Variants in PHF21A observed in about 807,000 individuals in gnomAD.
The protein encoded by PHF21A is PHD finger protein 21A, also known as BHC80a.
Under a neutral mutation model 82.5 loss-of-function variants are expected in PHF21A, and 11 were observed. That is an observed-to-expected ratio of 0.13 (90% CI 0.08 to 0.22). The LOEUF is 0.22. Ranked by LOEUF, PHF21A falls within the 10% of genes least tolerant of loss-of-function variation. PHF21A has a pLI of 1.00. For missense variants in PHF21A, 579 were observed against 837.8 expected (o/e 0.69, Z 3.81); for synonymous variants, 297 against 302.8 (o/e 0.98, Z 0.20).
intron 1 of PHF21A, 132 bp downstream of exon 1, chr11:46,120,803 A>T (rs1191734382): frequency 6.6e-6 from 1 of 150,960 alleles, no homozygotes; most frequent in Non-Finnish European, 1.5e-5. Flanking sequence ...GACAAACACC[A>T]GCGACAAGAC....
intron 5 of PHF21A, among the ~76,000 whole-genome samples, chr11:46,078,619 T>G (rs1009931329): frequency 6.6e-6 from 1 of 152,180 alleles, no homozygotes; most frequent in African/African-American, 2.4e-5. Flanking sequence ...AAGGTACTTT[T>G]TAACCCTCCT....
At chr11:46,105,470 A>C (rs1470446106) in intron 1 of PHF21A, among the ~76,000 whole-genome samples, 3 of 151,968 alleles carry the variant, frequency 2.0e-5, no homozygotes, top group Non-Finnish European at 4.4e-5. Flanking sequence ...CTTTCTCCAC[A>C]CTCAGACCCA....
At chr11:46,078,272 CA>C (rs2096751057) in intron 5 of PHF21A, among the ~76,000 whole-genome samples, 1 of 152,010 alleles carries the variant, frequency 6.6e-6, no homozygotes, top group South Asian at 2.1e-4. Context: ...TTTTTACTTC[CA>C]AAAATCAATG....
At chr11:46,096,031 C>T (rs1409970037) in intron 1 of PHF21A, among the ~76,000 whole-genome samples, 1 of 152,130 alleles carries the variant, frequency 6.6e-6, no homozygotes, top group Non-Finnish European at 1.5e-5. Context: ...ATCTACCCTT[C>T]CTAACTTCCA....
chr11:46,057,968 A>G (rs1490959058), intron 6 of PHF21A, among the ~76,000 whole-genome samples: 1 of 152,210 alleles, frequency 6.6e-6, no homozygotes. Context: ...TTTCTGGTGG[A>G]AATTCAAAAC....
intron 14 of PHF21A, among the ~76,000 whole-genome samples, chr11:45,946,674 C>T (rs1293644276): frequency 6.6e-6 from 1 of 152,100 alleles, no homozygotes; most frequent in Admixed American, 6.5e-5. Flanking sequence ...CGCACCTGGC[C>T]GAATTTATTA....
intron 6 of PHF21A, among the ~76,000 whole-genome samples, chr11:46,074,377 G>A (rs1416200851): frequency 1.3e-5 from 2 of 151,646 alleles, no homozygotes; most frequent in African/African-American, 2.4e-5. Flanking sequence ...TCAGTCATAC[G>A]GATAAGGTAA....
chr11:46,083,986 A>T (rs1160480341), intron 4 of PHF21A, among the ~76,000 whole-genome samples, 180 bp downstream of exon 4: 1 of 152,198 alleles, frequency 6.6e-6, no homozygotes, highest in Non-Finnish European at 1.5e-5. Flanking sequence ...GAATACTTTA[A>T]GTTCTTAAAA....
chr11:46,046,059 T>C (rs560762927), intron 6 of PHF21A, among the ~76,000 whole-genome samples: 86 of 152,364 alleles, frequency 5.6e-4, no homozygotes, highest in African/African-American at 2.0e-3. Context: ...CTTTGTGAGC[T>C]CTGGCATTCA....
At chr11:45,936,634 C>A in intron 16 of PHF21A, 65 bp from the exon 17 acceptor site, 3 of 1,025,546 alleles carry the variant, frequency 2.9e-6, no homozygotes, top group Non-Finnish European at 4.6e-6. Flanking sequence ...TATGTAACAG[C>A]TAGCAGTGGT....
intron 9 of PHF21A, among the ~76,000 whole-genome samples, chr11:45,966,683 G>A (rs954679548): frequency 2.0e-5 from 3 of 152,080 alleles, no homozygotes; most frequent in Non-Finnish European, 2.9e-5. Context: ...GCAGTGGCGC[G>A]ACCTCGGCTC....
chr11:45,975,809 C>T (rs377494614), intron 7 of PHF21A, among the ~76,000 whole-genome samples: 3 of 152,302 alleles, frequency 2.0e-5, no homozygotes, highest in East Asian at 3.9e-4. Flanking sequence ...TTTCTCTACG[C>T]CTTGGTATAT....
chr11:46,026,843 T>C (rs202099254), intron 6 of PHF21A: 1 of 152,208 alleles, frequency 6.6e-6, no homozygotes, highest in Non-Finnish European at 1.5e-5. Context: ...CGAAGAATGC[T>C]GAGAAGGCCT....
chr11:46,079,280 AC>A, intron 4 of PHF21A, 114 bp from the exon 5 acceptor site: 1 of 683,554 alleles, frequency 1.5e-6, no homozygotes, highest in Non-Finnish European at 2.6e-6. Context: ...AAAGAGCAAC[AC>A]CACAATCAGA....
intron 1 of PHF21A, chr11:46,117,149 T>C (rs540007981): frequency 5.9e-5 from 9 of 152,358 alleles, no homozygotes; most frequent in Admixed American, 2.0e-4. Flanking sequence ...AACTTTTATA[T>C]GTATTATCTC....
At position 46,121,413 on chromosome 11, in the gene PHF21A, G is replaced by T. The variant is rs565858503; in HGVS notation, c.-715C>A. Among the ~76,000 whole-genome samples the T allele has an allele frequency of 1.3e-5, 2 of 150,766 alleles. No homozygotes were observed. Among genetic ancestry groups the T allele is most frequent in the African/African-American group, 2.4e-5 (1 of 41,074 alleles). ...TCCTCCTCCTCTCAGCAGCAGCAGC[G>T]AGCACCACCAGCCCATTCACCACCC... On this transcript the variant is annotated 5_prime_UTR_variant, in exon 1 of 19. It introduces an in-frame stop codon into an upstream open reading frame of the 5' UTR. Transcript: ENST00000676320.
intron 16 of PHF21A, chr11:45,936,879 C>T: frequency 4.0e-6 from 1 of 250,876 alleles, no homozygotes; most frequent in Non-Finnish European, 7.6e-6. Flanking sequence ...ACAGCTAGAA[C>T]CACCAACACA....
At chr11:45,939,267 G>A (rs1354925416) in intron 15 of PHF21A, among the ~76,000 whole-genome samples, 2 of 152,064 alleles carry the variant, frequency 1.3e-5, no homozygotes, top group African/African-American at 2.4e-5. Context: ...TTACAGGTAC[G>A]GAAATCCATT....
intron 10 of PHF21A, among the ~76,000 whole-genome samples, chr11:45,962,717 C>A (rs1439264614): frequency 2.3e-5 from 3 of 129,756 alleles, no homozygotes; most frequent in African/African-American, 8.6e-5. Context: ...CATGGTGAAA[C>A]CCCATCTCTA....
Sources: gnomAD v4.1 joint callset for allele counts (sites outside exome capture counted in the v4.1 genomes callset) on GRCh38, gnomAD v4.1.1 for gene constraint, MANE v1.5 for transcripts, NCBI Gene and HGNC (gene_info 2026-07-23, HGNC 2026-07-21) for gene names.